Variants in ZBTB14 observed in about 807,000 individuals in gnomAD.
ZBTB14 encodes the protein zinc finger and BTB domain containing 14.
A neutral mutation model predicts 29.5 loss-of-function variants in ZBTB14; 8 were observed. The observed-to-expected ratio is 0.27, with a 90% CI of 0.16 to 0.49. The LOEUF is 0.49. Ranked by LOEUF, ZBTB14 falls within the 20% of genes least tolerant of loss-of-function variation. ZBTB14 has a pLI of 0.99. For synonymous variants in ZBTB14, 226 were observed against 207.2 expected (o/e 1.09, Z -0.78); for missense variants, 333 against 563.8 (o/e 0.59, Z 4.15).
chr18:5,291,056 T>G lies in ZBTB14; in HGVS notation c.1152A>C (p.Arg384Ser). 6.2e-7 allele frequency: 1 copy of G among 1,614,256 alleles called. No homozygotes were observed. Among genetic ancestry groups the G allele is most frequent in the Non-Finnish European group, 8.5e-7 (1 of 1,180,032 alleles). Reference protein sequence around the residue: ...SHLKDHERRHRGEKPFVCGSC... With the variant: ...SHLKDHERRHSGEKPFVCGSC... The stretch of plus-strand genomic sequence containing the variant: ...AGCCACACACAAAAGGCTTTTCCCC[T>G]CTGTGTCTTCTTTCATGATCCTTGA... The change falls in exon 4 of 4, where the codon AGA becomes AGC. Residue 384 changes from arginine to serine, a missense_variant. Transcript: ENST00000651870. The surrounding 1 kb of genome is among the most constrained non-coding windows in gnomAD (Gnocchi z 5.8).
chr18:5,291,116 G>A lies in ZBTB14; in HGVS notation c.1092C>T (p.His364=). 1 of 1,614,278 alleles carries A rather than the reference G, an allele frequency of 6.2e-7. No homozygotes were observed. Among genetic ancestry groups the A allele is most frequent in the Non-Finnish European group, 8.5e-7 (1 of 1,180,050 alleles). The change falls in exon 4 of 4, where the codon CAC becomes CAT. Residue 364 remains histidine (H), a synonymous_variant. Coordinates refer to ENST00000651870, the MANE Select transcript of ZBTB14 (RefSeq NM_001243702.2). The surrounding 1 kb of genome is among the most constrained non-coding windows in gnomAD (Gnocchi z 5.8). ...VHSNERPFAC[H]MCDKAFKHKS... ...TGTGTTTGAAGGCTTTGTCACACAT[G>A]TGGCACGCAAACGGTCTTTCATTAC...
rs764433872 is a variant in ZBTB14 at position 5,290,950 on chromosome 18, G to T, written c.1258C>A (p.Pro420Thr). 41 of 1,614,142 alleles carry T rather than the reference G, an allele frequency of 2.5e-5. No individual in the cohort carries two copies. Among genetic ancestry groups the T allele is most frequent in the Non-Finnish European group, 3.3e-5 (39 of 1,180,056 alleles). Residue 420 changes from proline to threonine, a missense_variant, in exon 4 of 4, where the codon CCC becomes ACC. Pro to Thr is a conservative substitution (Grantham distance 38). Around this residue, in one of 3 missense-constraint regions of ZBTB14, gnomAD observed 140 missense variants for 274.6 expected, o/e 0.51. Coordinates refer to ENST00000651870, the MANE Select transcript of ZBTB14 (RefSeq NM_001243702.2). ...TCTGTCTCGCTCTGGATGGCACTGGGGGTAACCTGCTTCCTTTCACTGTGC... is the reference window on the plus strand; with the variant it reads ...TCTGTCTCGCTCTGGATGGCACTGGTGGTAACCTGCTTCCTTTCACTGTGC... ...NMHSERKQVT[P>T]SAIQSETEQL...
At chr18:5,293,150 A>G in intron 3 of ZBTB14, 94 bp downstream of exon 3, 1 of 1,287,410 alleles carries the variant, frequency 7.8e-7, no homozygotes, top group South Asian at 1.6e-5. Flanking sequence ...CCAGACAAAT[A>G]GAAGTGTTCA....
At chr18:5,292,230 ATTAT>A in intron 3 of ZBTB14, 26 bp from the exon 4 acceptor site, 1 of 1,454,162 alleles carries the variant, frequency 6.9e-7, no homozygotes, top group Non-Finnish European at 9.1e-7. Context: ...AAGTTTAGTA[ATTAT>A]AAATAGTACT....
chr18:5,294,701 A>G (rs550805967), intron 1 of ZBTB14: 9 of 152,420 alleles, frequency 5.9e-5, no homozygotes, highest in Admixed American at 3.9e-4. Context: ...CACCACCTTC[A>G]TAATAAGGCT....
intron 1 of ZBTB14, among the ~76,000 whole-genome samples, chr18:5,295,297 G>A (rs1423466870): frequency 6.9e-6 from 1 of 144,650 alleles, no homozygotes; most frequent in South Asian, 2.1e-4. Flanking sequence ...GGGGGCGGGG[G>A]CGGCGCGCGG....
At position 5,289,071 on chromosome 18, in the gene ZBTB14, T is replaced by C. The variant is rs922641332; in HGVS notation, c.*1787A>G. On this transcript the variant is annotated 3_prime_UTR_variant, in exon 4 of 4. Coordinates refer to ENST00000651870, the MANE Select transcript of ZBTB14 (RefSeq NM_001243702.2). ...CAAAAAATGAAGTCCCAAAATATGG[T>C]TTGTTGAAGTAGCTATTGACAAGAT... 7.9e-5 allele frequency: 12 copies of C among 152,190 alleles called. No homozygotes were observed. The highest frequency in any genetic ancestry group is 1.6e-4 in the Non-Finnish European group (11 of 68,034). The allele number at this position is 152,190 out of a possible 1,614,324, so 9.4% of individuals were successfully genotyped here. A position where few individuals can be genotyped will look rare whatever the true frequency, so the allele number is the denominator to read the frequency against.
Position 5,291,440 on chromosome 18 carries a change from C to G in ZBTB14, c.768G>C (p.Trp256Cys). 2.5e-6 allele frequency: 4 copies of G among 1,614,164 alleles called. No individual in the cohort carries two copies. Among genetic ancestry groups the G allele is most frequent in the Non-Finnish European group, 3.4e-6 (4 of 1,180,034 alleles). ...ACTTCATGTCACTGGCGGCTGTTGT[C>G]CAGCCTGGTGTCTGTTCATCTTTCA... is the stretch of plus-strand genomic sequence containing the variant. ...SEVKDEQTPG[W>C]TTAASDMKFE... is the part of the protein sequence containing the mutation. The change falls in exon 4 of 4, where the codon TGG becomes TGC. Residue 256 changes from tryptophan (W) to cysteine (C), a missense_variant. Physicochemically the swap from Trp to Cys is radical, Grantham distance 215 (BLOSUM62 -2). Around this residue, in one of 3 missense-constraint regions of ZBTB14, gnomAD observed 140 missense variants for 274.6 expected, o/e 0.51. Coordinates refer to ENST00000651870, the MANE Select transcript of ZBTB14 (RefSeq NM_001243702.2). The surrounding 1 kb of genome is among the most constrained non-coding windows in gnomAD (Gnocchi z 5.8).
chr18:5,296,421 G>C (rs937856937), upstream of ZBTB14, among the ~76,000 whole-genome samples: 3 of 149,208 alleles, frequency 2.0e-5, no homozygotes, highest in Non-Finnish European at 3.0e-5. Flanking sequence ...GCAGCGCCGG[G>C]GACGCGGGAG....
intron 1 of ZBTB14, among the ~76,000 whole-genome samples, chr18:5,295,140 C>G (rs1053002558): frequency 6.8e-6 from 1 of 146,346 alleles, no homozygotes; most frequent in Non-Finnish European, 1.5e-5. Context: ...GCGGCGGCCC[C>G]GGCGGCGCGA....
rs1322075335 is a variant in ZBTB14 at position 5,291,722 on chromosome 18, A to G, written c.486T>C (p.Asp162=). 6.2e-7 allele frequency: 1 copy of G among 1,613,868 alleles called. No individual in the cohort carries two copies. Among genetic ancestry groups the G allele is most frequent in the Non-Finnish European group, 8.5e-7 (1 of 1,180,002 alleles). Residue 162 remains aspartate, a synonymous_variant, in exon 4 of 4, where the codon GAT becomes GAC. Transcript: ENST00000651870. This position sits in a 1 kb window ranked among gnomAD's most constrained non-coding sequence, Gnocchi z 5.8. ...CATCCTGATCCCCGATTTCCTCTAC[A>G]TCATCATCCTGGGTGTCAGCAGCAT... ...IGDAADTQDD[D]VEEIGDQDDS...
intron 1 of ZBTB14, among the ~76,000 whole-genome samples, chr18:5,294,283 C>T (rs2071888375): frequency 6.6e-6 from 1 of 152,222 alleles, no homozygotes; most frequent in Non-Finnish European, 1.5e-5. Flanking sequence ...GTTTCTGCCT[C>T]TCTATTCCCT....
In ZBTB14 at chr18:5,290,666, C is replaced by T. The variant is rs986443051; in HGVS notation, c.*192G>A. 2.4e-5 allele frequency: 18 copies of T among 752,710 alleles called. No individual in the cohort carries two copies. Among genetic ancestry groups the T allele is most frequent in the Admixed American group, 9.9e-5 (3 of 30,362 alleles). 46.6% of individuals were successfully genotyped at this position (752,710 alleles called of 1,614,324 possible). ...CTAGACACCAGACAAGACAGTGAAA[C>T]GGTTTGGTCAGAACTGAGGAACACC... On this transcript the variant is annotated 3_prime_UTR_variant, in exon 4 of 4. Coordinates refer to ENST00000651870, the MANE Select transcript of ZBTB14 (RefSeq NM_001243702.2).
At chr18:5,294,537 G>C (rs2071896573) in intron 1 of ZBTB14, among the ~76,000 whole-genome samples, 2 of 152,152 alleles carry the variant, frequency 1.3e-5, no homozygotes, top group South Asian at 4.1e-4. Flanking sequence ...TATGAGACCT[G>C]GAAGAGAGAC....
In ZBTB14 at chr18:5,290,762, C is replaced by G. The variant is rs1324803448; in HGVS notation, c.*96G>C. 3 of 1,522,638 alleles carry G rather than the reference C, an allele frequency of 2.0e-6. No individual in the cohort carries two copies. The highest frequency in any genetic ancestry group is 2.6e-6 in the Non-Finnish European group (3 of 1,133,416). The allele number at this position is 1,522,638 out of a possible 1,614,324, so 94.3% of individuals were successfully genotyped here. A position where few individuals can be genotyped will look rare whatever the true frequency, so the allele number is the denominator to read the frequency against. On this transcript the variant is annotated 3_prime_UTR_variant, in exon 4 of 4. Transcript: ENST00000651870. Reference sequence around the variant, plus strand: ...AGTCCAGTGAGTACAATGTTCCATACGTTTCCACAAAAATATTGTAACTGG... The same window carrying G: ...AGTCCAGTGAGTACAATGTTCCATAGGTTTCCACAAAAATATTGTAACTGG...
rs752850708 is a variant in ZBTB14, at chr18:5,292,237, A to G, written c.4-33T>C. On this transcript the variant is annotated intron_variant, in intron 3 of 3. Coordinates refer to ENST00000651870, the MANE Select transcript of ZBTB14 (RefSeq NM_001243702.2). ...AAAAAAAAAAGTTTAGTAATTATAA[A>G]TAGTACTTTTCCATATAGAGAACAC... The G allele has an allele frequency of 3.8e-5, 55 of 1,437,902 alleles. 1 individual carries two copies. In the Admixed American group the frequency reaches 8.6e-4, roughly 22 times the overall value. The allele number at this position is 1,437,902 out of a possible 1,614,324, so 89.1% of individuals were successfully genotyped here.
Position 5,291,109 on chromosome 18 carries a change from C to G in ZBTB14, c.1099G>C (p.Asp367His). ...TGAGACTTGTGTTTGAAGGCTTTGT[C>G]ACACATGTGGCACGCAAACGGTCTT... ...NERPFACHMC[D>H]KAFKHKSHLK... is the part of the protein sequence containing the mutation. The change falls in exon 4 of 4, where the codon GAC (aspartate) becomes CAC (histidine). Residue 367 changes from aspartate to histidine, a missense_variant. By Grantham distance (81) the Asp-to-His change is moderately conservative. Around this residue, in one of 3 missense-constraint regions of ZBTB14, gnomAD observed 140 missense variants for 274.6 expected, o/e 0.51. Coordinates refer to ENST00000651870, the MANE Select transcript of ZBTB14 (RefSeq NM_001243702.2). This position sits in a 1 kb window ranked among gnomAD's most constrained non-coding sequence, Gnocchi z 5.8. 2 of 1,614,244 alleles carry G rather than the reference C, an allele frequency of 1.2e-6. No homozygotes were observed. The highest frequency in any genetic ancestry group is 1.7e-6 in the Non-Finnish European group (2 of 1,180,050).
rs1010928103 is a variant in ZBTB14 at position 5,291,032 on chromosome 18, G to C, written c.1176C>G (p.Gly392=). Residue 392 remains glycine (G), a synonymous_variant, in exon 4 of 4, where the codon GGC becomes GGG. Coordinates refer to ENST00000651870, the MANE Select transcript of ZBTB14 (RefSeq NM_001243702.2). The surrounding 1 kb of genome is among the most constrained non-coding windows in gnomAD (Gnocchi z 5.8). ...CCTTGGCAAATGCCTTGGTGCAGGA[G>C]CCACACACAAAAGGCTTTTCCCCTC... ...RHRGEKPFVC[G]SCTKAFAKAS... is the part of the protein sequence containing the mutation. 6.2e-7 allele frequency: 1 copy of C among 1,614,276 alleles called. No homozygotes were observed. Among genetic ancestry groups the C allele is most frequent in the African/African-American group, 1.3e-5 (1 of 75,076 alleles).
rs550862320 is a variant in ZBTB14 at position 5,293,335 on chromosome 18, G to A, written c.-81-8C>T. 92 of 1,363,430 alleles carry A rather than the reference G, an allele frequency of 6.7e-5. No homozygotes were observed. The Middle Eastern group carries it at 7.5e-4, about 11-fold the overall frequency. The allele number at this position is 1,363,430 out of a possible 1,614,324, so 84.5% of individuals were successfully genotyped here. Reference sequence around the variant, plus strand: ...ATCAGGAGCACGCCAGACCTACAGAGGAAAGGATAAACAAGAATGAGGTAG... The same window carrying A: ...ATCAGGAGCACGCCAGACCTACAGAAGAAAGGATAAACAAGAATGAGGTAG... On this transcript the variant is annotated splice_region_variant and splice_polypyrimidine_tract_variant and intron_variant, in intron 2 of 3. Transcript: ENST00000651870.
Sources: gnomAD v4.1 joint callset for allele counts (sites outside exome capture counted in the v4.1 genomes callset) on GRCh38, gnomAD v4.1.1 for gene constraint, gnomAD v4.1.1 regional missense constraint, Gnocchi (gnomAD v3.1) non-coding constraint, MANE v1.5 for transcripts, NCBI Gene and HGNC (gene_info 2026-07-23, HGNC 2026-07-21) for gene names.